The following YAF2 variants were observed in gnomAD, a reference collection of about 807,000 sequenced individuals.
YAF2 encodes YY1-associated factor 2.
A neutral mutation model predicts 20.1 loss-of-function variants in YAF2; 7 were observed. That is an observed-to-expected ratio of 0.35 (90% confidence interval 0.20 to 0.65). YAF2 has a LOEUF of 0.65. YAF2 is among the 30% of genes least tolerant of loss of function. The probability of loss-of-function intolerance (pLI) is 0.69; values close to 1 mark genes in which losing one functional copy is unlikely to be tolerated. For synonymous variants in YAF2, 74 were observed against 76.0 expected (o/e 0.97, Z 0.14); for missense variants, 151 against 219.2 (o/e 0.69, Z 1.96).
intron 2 of YAF2, among the ~76,000 whole-genome samples, chr12:42,182,240 G>C (rs2066361948): frequency 6.6e-6 from 1 of 152,174 alleles, no homozygotes; most frequent in African/African-American, 2.4e-5. Context: ...CGAGGAAGCA[G>C]AAGGCATGAA....
chr12:42,193,081 A>AG lies in YAF2; in HGVS notation c.153-31317dup, dbSNP rs562874987. ...GTAATCCCAGCACTTTGGGTGGCCG[A>AG]GGGGGGGCAGATCACTAGAGGCCAG... On this transcript the variant is annotated intron_variant, in intron 2 of 3. Coordinates refer to ENST00000534854, the MANE Select transcript of YAF2 (RefSeq NM_005748.6). Among the ~76,000 whole-genome samples, 348 of 152,114 alleles carry AG rather than the reference A, an allele frequency of 2.3e-3. 1 individual carries two copies. Among genetic ancestry groups the AG allele is most frequent in the African/African-American group, 8.0e-3 (333 of 41,486 alleles).
At chr12:42,210,725 C>A in intron 2 of YAF2, 1 of 1,500,412 alleles carries the variant, frequency 6.7e-7, no homozygotes, top group Non-Finnish European at 8.9e-7. Flanking sequence ...AGATTATTAT[C>A]ACACGTAGAA....
At chr12:42,203,147 A>C (rs2066945434) in intron 2 of YAF2, among the ~76,000 whole-genome samples, 1 of 151,574 alleles carries the variant, frequency 6.6e-6, no homozygotes, top group Admixed American at 6.6e-5. Flanking sequence ...AATATTTATT[A>C]CTAAATAAAT....
At chr12:42,234,605 A>G in intron 2 of YAF2, 1 of 985,342 alleles carries the variant, frequency 1.0e-6, no homozygotes. Flanking sequence ...GACATGACCT[A>G]CCATGGATAT....
intron 2 of YAF2, among the ~76,000 whole-genome samples, chr12:42,190,208 G>A (rs1201408024): frequency 6.6e-6 from 1 of 152,078 alleles, no homozygotes; most frequent in Non-Finnish European, 1.5e-5. Flanking sequence ...GCTGGGCATG[G>A]TGGCATGAGC....
chr12:42,209,346 T>C (rs2067139975), intron 2 of YAF2, among the ~76,000 whole-genome samples: 1 of 151,210 alleles, frequency 6.6e-6, no homozygotes, highest in Admixed American at 6.6e-5. Context: ...GGCAGATCAT[T>C]TGAGTTCATG....
intron 2 of YAF2, among the ~76,000 whole-genome samples, chr12:42,198,079 C>T (rs539966075): frequency 1.3e-5 from 2 of 152,054 alleles, no homozygotes; most frequent in Admixed American, 1.3e-4. Context: ...AAAGCATATC[C>T]AATCCCCATA....
At chr12:42,191,216 G>GT (rs1021367939) in intron 2 of YAF2, among the ~76,000 whole-genome samples, 12 of 152,044 alleles carry the variant, frequency 7.9e-5, no homozygotes, top group African/African-American at 2.7e-4. Context: ...AATTTATATC[G>GT]TTTTCACTCT....
At chr12:42,218,353 GATGA>G (rs746819465) in intron 2 of YAF2, among the ~76,000 whole-genome samples, 3 of 152,042 alleles carry the variant, frequency 2.0e-5, no homozygotes, top group Non-Finnish European at 2.9e-5. Context: ...CTTTTTGACT[GATGA>G]ATATGGTTTG....
chr12:42,173,515 A>T (rs2066104271), intron 2 of YAF2, among the ~76,000 whole-genome samples: 1 of 152,232 alleles, frequency 6.6e-6, no homozygotes, highest in African/African-American at 2.4e-5. Context: ...GACTAAGGAC[A>T]ATCTTCAAGA....
At chr12:42,197,943 C>A (rs1490014756) in intron 2 of YAF2, among the ~76,000 whole-genome samples, 1 of 152,096 alleles carries the variant, frequency 6.6e-6, no homozygotes, top group African/African-American at 2.4e-5. Flanking sequence ...TATGTTATAC[C>A]TTGGTATACC....
Position 42,160,550 on chromosome 12 carries a change from G to A in YAF2, c.*39C>T. ...TTGGCATAATCTGTGTATTTGCATG[G>A]TAGGACAGAAGTGACTAAGAAATTG... is the stretch of plus-strand genomic sequence containing the variant. On this transcript the variant is annotated 3_prime_UTR_variant, in exon 4 of 4. Coordinates refer to ENST00000534854, the MANE Select transcript of YAF2 (RefSeq NM_005748.6). 1 of 1,504,762 alleles carries A rather than the reference G, an allele frequency of 6.6e-7. No individual in the cohort carries two copies. Among genetic ancestry groups the A allele is most frequent in the Non-Finnish European group, 9.2e-7 (1 of 1,087,468 alleles). 93.2% of individuals were successfully genotyped at this position (1,504,762 alleles called of 1,614,324 possible).
At chr12:42,173,961 T>A (rs1053997424) in intron 2 of YAF2, among the ~76,000 whole-genome samples, 5 of 152,064 alleles carry the variant, frequency 3.3e-5, no homozygotes, top group African/African-American at 1.2e-4. Context: ...ACCATCCATC[T>A]CTCTGCCCAC....
intron 2 of YAF2, among the ~76,000 whole-genome samples, chr12:42,212,096 T>C (rs1427028062): frequency 6.6e-6 from 1 of 152,022 alleles, no homozygotes; most frequent in African/African-American, 2.4e-5. Context: ...AACAAAAGTA[T>C]GCCAGTCATT....
intron 2 of YAF2, among the ~76,000 whole-genome samples, chr12:42,200,617 C>T (rs371952464): frequency 6.6e-6 from 1 of 152,180 alleles, no homozygotes; most frequent in Non-Finnish European, 1.5e-5. Flanking sequence ...GAAAAGCATA[C>T]AGTTCCATAA....
intron 2 of YAF2, among the ~76,000 whole-genome samples, chr12:42,213,358 G>GCCT (rs1396056794): frequency 6.6e-6 from 1 of 152,206 alleles, no homozygotes; most frequent in Non-Finnish European, 1.5e-5. Flanking sequence ...CTGACTGCAG[G>GCCT]CTTGTGAGAG....
chr12:42,236,568 A>ACG (rs34273085), intron 2 of YAF2, among the ~76,000 whole-genome samples: 1,600 of 16,962 alleles, frequency 0.094, 29 homozygotes, highest in African/African-American at 0.46. Flanking sequence ...AATTCTGTAA[A>ACG]GTGTTTTTTA....
chr12:42,174,196 T>A (rs2066124287), intron 2 of YAF2, among the ~76,000 whole-genome samples: 1 of 152,040 alleles, frequency 6.6e-6, no homozygotes, highest in Non-Finnish European at 1.5e-5. Context: ...AAATTTTCTA[T>A]ACTCACTCTA....
At chr12:42,190,414 T>C (rs2066584707) in intron 2 of YAF2, among the ~76,000 whole-genome samples, 1 of 152,232 alleles carries the variant, frequency 6.6e-6, no homozygotes, top group South Asian at 2.1e-4. Context: ...TTCTTTTTCA[T>C]AATCCTAGTT....
Sources: allele counts gnomAD v4.1 joint callset (sites outside exome capture counted in the v4.1 genomes callset), GRCh38; gene constraint gnomAD v4.1.1; transcripts MANE v1.5; gene names NCBI Gene and HGNC (gene_info 2026-07-23, HGNC 2026-07-21).